Variants in MGAM observed in about 807,000 individuals in gnomAD.
The protein encoded by MGAM is maltase-glucoamylase.
A neutral mutation model predicts 358.8 loss-of-function variants in MGAM; 253 were observed. The observed-to-expected ratio is 0.71, with a 90% CI of 0.64 to 0.78. MGAM has a LOEUF of 0.78. MGAM is among the 30% of genes least tolerant of loss of function. MGAM has a pLI of 0.00. For missense variants in MGAM, 3,080 were observed against 3,432.6 expected (o/e 0.90, Z 2.57); for synonymous variants, 1,105 against 1,227.1 (o/e 0.90, Z 2.08).
intron 33 of MGAM, 73 bp downstream of exon 33, chr7:142,060,039 G>A: frequency 2.1e-6 from 3 of 1,447,550 alleles, no homozygotes; most frequent in South Asian, 1.2e-5. Flanking sequence ...ACTGTTAGTG[G>A]GTCACACGCC....
In MGAM at chr7:142,042,038, C is replaced by T. The variant is rs865847599; in HGVS notation, c.2498+1192C>T. ...TAATATATATATATTATATTATATA[C>T]ATATAATATATAATATATATACATA... On this transcript the variant is annotated intron_variant, in intron 21 of 70. Coordinates refer to ENST00000475668, the MANE Select transcript of MGAM (RefSeq NM_001365693.1). Among the ~76,000 whole-genome samples the T allele has an allele frequency of 1.8e-3, 64 of 34,634 alleles. 5 individuals carry two copies. The highest frequency in any genetic ancestry group is 9.4e-3 in the African/African-American group (52 of 5,536). 22.7% of individuals were successfully genotyped at this position (34,634 alleles called of 152,430 possible).
intron 47 of MGAM, among the ~76,000 whole-genome samples, chr7:142,077,891 G>A (rs1469839468): frequency 2.1e-5 from 3 of 145,436 alleles, no homozygotes; most frequent in South Asian, 4.4e-4. Flanking sequence ...ACCACTCCAC[G>A]CCAATGGGGG....
At position 142,050,697 on chromosome 7, in the gene MGAM, A is replaced by G. The variant is rs775376917; in HGVS notation, c.2638A>G (p.Asn880Asp). 1.4e-5 allele frequency: 23 copies of G among 1,612,838 alleles called. No individual in the cohort carries two copies. The East Asian group carries it at 5.1e-4, about 36-fold the overall frequency. Residue 880 changes from asparagine (N) to aspartate (D), a missense_variant and splice_region_variant, in exon 24 of 71, where the codon AAC becomes GAC. Physicochemically the swap from Asn to Asp is conservative, Grantham distance 23 (BLOSUM62 1). Around this residue, in one of 5 missense-constraint regions of MGAM, gnomAD observed 1,816 missense variants for 1,840.5 expected, o/e 0.99. Coordinates refer to ENST00000475668, the MANE Select transcript of MGAM (RefSeq NM_001365693.1). ...ATACTTGGACTTAATTGTTTTGCAG[A>G]ACCGCTTGGAGGTGAATATTTCACA... ...YLLCEFSVTQ[N>D]RLEVNISQST...
At position 142,072,441 on chromosome 7, in the gene MGAM, T is replaced by G. The variant is rs1813421013; in HGVS notation, c.5186+1323T>G. ...TTCCAGCAGAGGAAGCACTGCCACT[T>G]CCAAGTTTCTGGTCATTTGTAATAT... On this transcript the variant is annotated intron_variant, in intron 44 of 70. Transcript: ENST00000475668. Among the ~76,000 whole-genome samples the G allele has an allele frequency of 2.0e-5, 3 of 146,420 alleles. 1 individual carries two copies. Among genetic ancestry groups the G allele is most frequent in the Non-Finnish European group, 4.6e-5 (3 of 64,666 alleles).
At chr7:142,089,522 G>C (rs973652254) in intron 57 of MGAM, among the ~76,000 whole-genome samples, 3 of 146,382 alleles carry the variant, frequency 2.0e-5, no homozygotes, top group African/African-American at 7.3e-5. Flanking sequence ...TTAAAAGTAG[G>C]CCGGGCATGG....
intron 66 of MGAM, among the ~76,000 whole-genome samples, chr7:142,099,193 G>A (rs1222885044): frequency 6.6e-6 from 1 of 152,158 alleles, no homozygotes; most frequent in Non-Finnish European, 1.5e-5. Context: ...GCTGACATCC[G>A]AGGATTCTGC....
rs183629577 is a variant in MGAM at position 142,080,858 on chromosome 7, G to A, written c.5915G>A (p.Ser1972Asn). 41 of 1,556,470 alleles carry A rather than the reference G, an allele frequency of 2.6e-5. 6 individuals carry two copies. The East Asian group carries it at 9.1e-4, about 35-fold the overall frequency. ...VPLNIPSVPS[S>N]TPEGQLYDVL... is the part of the protein sequence containing the mutation. ...CTGAACATACCCAGCGTGCCATCCA[G>A]CACCCCTGAGGGTCAACTCTATGAT... The change falls in exon 50 of 71, where the codon AGC (serine) becomes AAC (asparagine). Residue 1972 changes from serine to asparagine, a missense_variant. Around this residue, in one of 5 missense-constraint regions of MGAM, gnomAD observed 932 missense variants for 1,198.2 expected, o/e 0.78. Coordinates refer to ENST00000475668, the MANE Select transcript of MGAM (RefSeq NM_001365693.1).
Position 142,076,204 on chromosome 7 carries a change from T to C in MGAM, c.5277T>C (p.Asp1759=), listed in dbSNP as rs773744044. ...GACTTGTCTTTCTGTCACTTTCAGA[T>C]ACTGTGGCCAAGAAAGTATATCTTT... ...ELFWDDGQTK[D]TVAKKVYLLC... Residue 1759 remains aspartate, a splice_region_variant and synonymous_variant, in exon 46 of 71, where the codon GAT becomes GAC. Coordinates refer to ENST00000475668, the MANE Select transcript of MGAM (RefSeq NM_001365693.1). 3.9e-6 allele frequency: 6 copies of C among 1,545,536 alleles called. 1 individual carries two copies. Among genetic ancestry groups the C allele is most frequent in the South Asian group, 3.4e-5 (3 of 89,052 alleles).
chr7:142,105,054 A>G (rs1725906037), intron 70 of MGAM, among the ~76,000 whole-genome samples: 1 of 152,088 alleles, frequency 6.6e-6, no homozygotes, highest in South Asian at 2.1e-4. Context: ...TGACCAGCTC[A>G]GGGACAGACA....
Position 142,093,522 on chromosome 7 carries a change from G to C in MGAM, c.7144G>C (p.Gly2382Arg). 1 of 1,504,422 alleles carries C rather than the reference G, an allele frequency of 6.6e-7. No individual in the cohort carries two copies. The highest frequency in any genetic ancestry group is 9.0e-7 in the Non-Finnish European group (1 of 1,105,948). The allele number at this position is 1,504,422 out of a possible 1,614,324, so 93.2% of individuals were successfully genotyped here. The change falls in exon 60 of 71, where the codon GGG becomes CGG. Residue 2382 changes from glycine (G) to arginine (R), a missense_variant. Gly to Arg is a moderately radical substitution (Grantham distance 125, BLOSUM62 -2). Transcript: ENST00000475668. ...GCACTACAATGTGCACAACCTGTAC[G>C]GGTGGTCCCAGACCAGACCCACATA... ...VQHYNVHNLY[G>R]WSQTRPTYEA...
In MGAM at chr7:142,102,695, A is replaced by G. The variant is rs1356294657; in HGVS notation, c.8013+16A>G. On this transcript the variant is annotated intron_variant, in intron 69 of 70. Transcript: ENST00000475668. ...TGCCAGCCAGGTGAGTGTGATTGAT[A>G]TGAAGTGAGAATAGGGTTCCACTGG... 3 of 1,611,292 alleles carry G rather than the reference A, an allele frequency of 1.9e-6. No homozygotes were observed. Among genetic ancestry groups the G allele is most frequent in the East Asian group, 2.2e-5 (1 of 44,824 alleles).
intron 7 of MGAM, among the ~76,000 whole-genome samples, chr7:142,024,300 G>T (rs988501288): frequency 1.4e-4 from 22 of 151,868 alleles, no homozygotes; most frequent in African/African-American, 5.1e-4. Flanking sequence ...TGTAATCCTA[G>T]CTACTCAGGA....
At chr7:142,031,873 G>A in intron 13 of MGAM, 80 bp downstream of exon 13, 1 of 952,814 alleles carries the variant, frequency 1.0e-6, no homozygotes. Context: ...GAGTCACAGA[G>A]CATAGGGAGA....
Position 142,076,724 on chromosome 7 carries a change from G to A in MGAM, c.5391G>A (p.Glu1797=). Residue 1797 remains glutamate (E), a synonymous_variant, in exon 47 of 71, where the codon GAG becomes GAA. Transcript: ENST00000475668. ...YKDPNNLAFN[E]IKILGMEEPS... ...ACCCCAATAATTTAGCATTCAATGA[G>A]ATTAAAATTCTTGGGATGGAGGAAC... 1 of 1,552,716 alleles carries A rather than the reference G, an allele frequency of 6.4e-7. No individual in the cohort carries two copies. Among genetic ancestry groups the A allele is most frequent in the East Asian group, 2.3e-5 (1 of 43,922 alleles).
At position 142,052,097 on chromosome 7, in the gene MGAM, G is replaced by A. The variant is rs114857712; in HGVS notation, c.2806-197G>A. 2.4e-3 allele frequency among the ~76,000 whole-genome samples: 368 copies of A among 152,204 alleles called. 1 individual carries two copies. The highest frequency in any genetic ancestry group is 8.3e-3 in the African/African-American group (344 of 41,516). On this transcript the variant is annotated intron_variant, in intron 24 of 70. Coordinates refer to ENST00000475668, the MANE Select transcript of MGAM (RefSeq NM_001365693.1). ...GCTAAGTACAAGATTGTGCTAGAGG[G>A]GAGACATTTGACCTGTTGCTGCTAA...
At chr7:142,084,268 T>C (rs1244742790) in intron 53 of MGAM, among the ~76,000 whole-genome samples, 2 of 146,038 alleles carry the variant, frequency 1.4e-5, no homozygotes, top group African/African-American at 2.4e-5. Context: ...CTGGGTTTCT[T>C]AACCAGTTAC....
intron 45 of MGAM, among the ~76,000 whole-genome samples, chr7:142,075,131 T>A (rs1813635606): frequency 6.8e-6 from 1 of 146,246 alleles, no homozygotes; most frequent in African/African-American, 2.4e-5. Context: ...TTTCACTTAG[T>A]ATAATGTCCT....
At chr7:142,060,045 A>G (rs2129039066) in intron 33 of MGAM, 79 bp downstream of exon 33, 1 of 1,413,506 alleles carries the variant, frequency 7.1e-7, no homozygotes, top group Non-Finnish European at 9.7e-7. Flanking sequence ...AGTGGGTCAC[A>G]CGCCTGTGTA....
intron 21 of MGAM, among the ~76,000 whole-genome samples, chr7:142,047,248 G>T (rs567497418): frequency 2.2e-4 from 34 of 152,250 alleles, no homozygotes; most frequent in Admixed American, 2.0e-3. Context: ...CTAAATTATA[G>T]AGTAGATTAG....
Sources: allele counts gnomAD v4.1 joint callset (sites outside exome capture counted in the v4.1 genomes callset), GRCh38; gene constraint gnomAD v4.1.1; regional missense constraint gnomAD v4.1.1; transcripts MANE v1.5; gene names NCBI Gene and HGNC (gene_info 2026-07-23, HGNC 2026-07-21).